PCDH15: variants seen among roughly 807,000 people sequenced by gnomAD.
PCDH15 encodes the protein protocadherin related 15.
In PCDH15, 129 loss-of-function variants were observed where a neutral mutation model predicts 178.5. The ratio of observed to expected loss-of-function variants is 0.72; its 90% CI spans 0.63 to 0.84. The LOEUF (loss-of-function observed/expected upper bound fraction) is 0.84, where lower values mean the gene tolerates loss of function less well. Among genes scored for constraint, PCDH15 ranks in the 40% least tolerant of loss-of-function variants. PCDH15 has a pLI of 0.00. For synonymous variants in PCDH15, 800 were observed against 732.0 expected (o/e 1.09, Z -1.50); for missense variants, 2,230 against 2,099.9 (o/e 1.06, Z -1.21).
intron 9 of PCDH15, among the ~76,000 whole-genome samples, chr10:54,223,919 T>C (rs1379511486): frequency 1.3e-5 from 2 of 152,168 alleles, no homozygotes; most frequent in Non-Finnish European, 2.9e-5. Context: ...TGAACTTAAG[T>C]TCACCTCTGT....
intron 2 of PCDH15, among the ~76,000 whole-genome samples, chr10:55,454,072 G>A (rs1051750680): frequency 6.6e-6 from 1 of 152,008 alleles, no homozygotes; most frequent in African/African-American, 2.4e-5. Flanking sequence ...AAATGATTCC[G>A]TTGACCAGAC....
At chr10:55,556,947 G>T (rs1842102909) in intron 2 of PCDH15, among the ~76,000 whole-genome samples, 1 of 152,092 alleles carries the variant, frequency 6.6e-6, no homozygotes. Context: ...TATTGAATGT[G>T]TTTTCACATT....
chr10:54,369,972 TC>T (rs1745925598), intron 4 of PCDH15, among the ~76,000 whole-genome samples: 1 of 152,024 alleles, frequency 6.6e-6, no homozygotes, highest in South Asian at 2.1e-4. Flanking sequence ...GCATAATGTA[TC>T]CAAGTAATAA....
At chr10:54,329,940 A>G (rs569215058) in intron 6 of PCDH15, among the ~76,000 whole-genome samples, 1 of 151,824 alleles carries the variant, frequency 6.6e-6, no homozygotes, top group Non-Finnish European at 1.5e-5. Context: ...GTTTCTTGTC[A>G]TAGTTTTTAA....
At chr10:55,460,411 C>T (rs996373840) in intron 2 of PCDH15, among the ~76,000 whole-genome samples, 2 of 151,874 alleles carry the variant, frequency 1.3e-5, no homozygotes, top group Non-Finnish European at 2.9e-5. Context: ...GTAGGAACCT[C>T]CTTCGAGAAT....
chr10:54,826,601 G>A (rs183544785), intron 3 of PCDH15, among the ~76,000 whole-genome samples: 3 of 151,766 alleles, frequency 2.0e-5, no homozygotes, highest in Non-Finnish European at 4.4e-5. Flanking sequence ...AATCTAATTC[G>A]ACTTATAATT....
intron 11 of PCDH15, among the ~76,000 whole-genome samples, chr10:54,188,804 T>C (rs763980564): frequency 2.0e-5 from 3 of 151,830 alleles, no homozygotes; most frequent in Non-Finnish European, 2.9e-5. Flanking sequence ...CACAAGACCA[T>C]ATGCATGCAC....
intron 1 of PCDH15, among the ~76,000 whole-genome samples, chr10:54,773,009 T>C (rs1353797496): frequency 2.0e-5 from 3 of 149,610 alleles, no homozygotes; most frequent in Non-Finnish European, 4.4e-5. Context: ...CAAACTATCA[T>C]AGGAACAGAA....
chr10:54,459,329 A>G (rs1417639931), intron 3 of PCDH15, among the ~76,000 whole-genome samples: 2 of 151,978 alleles, frequency 1.3e-5, no homozygotes, highest in African/African-American at 4.8e-5. Flanking sequence ...TCAATATTTA[A>G]TATTATAAAT....
At chr10:55,097,102 A>G (rs1356363692) in intron 2 of PCDH15, among the ~76,000 whole-genome samples, 1 of 152,042 alleles carries the variant, frequency 6.6e-6, no homozygotes. Flanking sequence ...AAAGTTGTCA[A>G]CTAGTGTTTT....
intron 1 of PCDH15, among the ~76,000 whole-genome samples, chr10:55,292,275 C>T (rs1380364730): frequency 2.0e-5 from 3 of 152,298 alleles, no homozygotes; most frequent in African/African-American, 4.8e-5. Flanking sequence ...GGTAAATACA[C>T]CCATGTCAAA....
At chr10:55,399,600 A>G (rs1225062797) in intron 2 of PCDH15, among the ~76,000 whole-genome samples, 2 of 152,106 alleles carry the variant, frequency 1.3e-5, no homozygotes, top group Non-Finnish European at 1.5e-5. Flanking sequence ...CCCACTGACA[A>G]TAATAAATCT....
intron 2 of PCDH15, among the ~76,000 whole-genome samples, chr10:55,529,883 A>T (rs1420779878): frequency 1.3e-5 from 2 of 150,330 alleles, no homozygotes; most frequent in African/African-American, 4.9e-5. Context: ...AATCATGGAT[A>T]TGCTACGTTA....
chr10:54,979,604 G>T (rs1219533), intron 2 of PCDH15, among the ~76,000 whole-genome samples: 18,856 of 115,176 alleles, frequency 0.16, 1,607 homozygotes, highest in African/African-American at 0.28. Flanking sequence ...AAGAGGCAGA[G>T]GTTGCAGTGA....
At chr10:54,090,737 A>C in intron 15 of PCDH15, among the ~76,000 whole-genome samples, 1 of 152,122 alleles carries the variant, frequency 6.6e-6, no homozygotes, top group East Asian at 1.9e-4. Flanking sequence ...GAATATATCA[A>C]GACAATAATT....
intron 8 of PCDH15, among the ~76,000 whole-genome samples, chr10:54,279,548 T>C (rs1302506679): frequency 1.3e-5 from 2 of 151,664 alleles, no homozygotes; most frequent in African/African-American, 4.8e-5. Context: ...TTACTTTGTT[T>C]CAACTCTACT....
intron 2 of PCDH15, among the ~76,000 whole-genome samples, chr10:55,021,419 A>G (rs1840324093): frequency 6.6e-6 from 1 of 152,198 alleles, no homozygotes; most frequent in Non-Finnish European, 1.5e-5. Flanking sequence ...TTTATTGGAA[A>G]TAAGAAGGGA....
chr10:54,071,804 T>C (rs1174029132), intron 17 of PCDH15, among the ~76,000 whole-genome samples: 2 of 152,124 alleles, frequency 1.3e-5, no homozygotes, highest in Non-Finnish European at 2.9e-5. Flanking sequence ...ATCTATTTCT[T>C]AAATAAAAAC....
At chr10:54,433,381 C>T (rs1246243224) in intron 3 of PCDH15, among the ~76,000 whole-genome samples, 3 of 152,022 alleles carry the variant, frequency 2.0e-5, no homozygotes, top group Admixed American at 6.6e-5. Context: ...ACTATTCAGC[C>T]ATAAAAAATG....
Sources: allele counts gnomAD v4.1 joint callset (sites outside exome capture counted in the v4.1 genomes callset), GRCh38; gene constraint gnomAD v4.1.1; transcripts MANE v1.5; gene names NCBI Gene and HGNC (gene_info 2026-07-23, HGNC 2026-07-21).